Variants in DICER1 observed in about 807,000 individuals in gnomAD.
DICER1 encodes the protein dicer 1, ribonuclease III.
A neutral mutation model predicts 194.1 loss-of-function variants in DICER1; 43 were observed. The ratio of observed to expected loss-of-function variants is 0.22; its 90% CI spans 0.17 to 0.29. The LOEUF (loss-of-function observed/expected upper bound fraction) is 0.29. DICER1 is among the 10% of genes least tolerant of loss of function. The pLI, the probability that DICER1 is intolerant of heterozygous loss-of-function variation, is 1.00. For synonymous variants in DICER1, 832 were observed against 820.5 expected, an observed-to-expected ratio of 1.01 and a Z score of -0.24; for missense variants, 1,608 against 2,317.0, an observed-to-expected ratio of 0.69 and a Z score of 6.28.
Position 95,086,702 on chromosome 14 carries a change from A to T in DICER1, c.*3796T>A, listed in dbSNP as rs1192588819. 2 of 233,126 alleles carry T rather than the reference A, an allele frequency of 8.6e-6. No homozygotes were observed. The highest frequency in any genetic ancestry group is 4.4e-5 in the African/African-American group (2 of 45,342). The allele number at this position is 233,126 out of a possible 1,614,324, so 14.4% of individuals were successfully genotyped here. On this transcript the variant is annotated 3_prime_UTR_variant, in exon 27 of 27. Transcript: ENST00000343455. ...AATGGTCTCAATGCAAATTTCCTAG[A>T]TATTGCTATTGGCGTCTCCAACAAC...
At chr14:95,092,171 ACC>A (rs1345660369) in intron 24 of DICER1, among the ~76,000 whole-genome samples, 1 of 152,208 alleles carries the variant, frequency 6.6e-6, no homozygotes, top group East Asian at 1.9e-4. Context: ...GCATCACGAT[ACC>A]CATCAATACA....
rs532529506 is a variant in DICER1, at chr14:95,106,196, T to A, written c.2832A>T (p.Arg944=). 4.3e-6 allele frequency: 7 copies of A among 1,614,012 alleles called. No homozygotes were observed. In the African/African-American group the frequency reaches 9.3e-5, roughly 22 times the overall value. ...PRYRNFDQPH[R]FYVADVYTDL... ...CAGTGTACACATCAGCTACATAAAATCGATGAGGCTGATCAAAATTGCGAT... is the reference window on the plus strand; with the variant it reads ...CAGTGTACACATCAGCTACATAAAAACGATGAGGCTGATCAAAATTGCGAT... The change falls in exon 18 of 27, where the codon CGA becomes CGT. Residue 944 remains arginine (R), a synonymous_variant. Transcript: ENST00000343455.
In DICER1 at chr14:95,103,554, G is replaced by T; in HGVS notation, c.3842C>A (p.Pro1281His). 1 of 1,614,142 alleles carries T rather than the reference G, an allele frequency of 6.2e-7. No individual in the cohort carries two copies. The highest frequency in any genetic ancestry group is 2.2e-5 in the East Asian group (1 of 44,874). Residue 1281 changes from proline to histidine, a missense_variant, in exon 21 of 27, where the codon CCT becomes CAT. Physicochemically the swap from Pro to His is moderately conservative, Grantham distance 77. This residue lies in a region of DICER1 where 222 missense variants were observed against 215.5 expected (regional missense o/e 1.03). Transcript: ENST00000343455. ...LKGRMDSEQS[P>H]SIGYSSRTLG... ...AGTCCTTGAGGAGTACCCAATAGAAGGGCTCTGCTCAGAATCCATCCTGCC... is the reference window on the plus strand; with the variant it reads ...AGTCCTTGAGGAGTACCCAATAGAATGGCTCTGCTCAGAATCCATCCTGCC...
chr14:95,135,255 T>A (rs1014202657), intron 1 of DICER1, among the ~76,000 whole-genome samples: 1 of 152,198 alleles, frequency 6.6e-6, no homozygotes, highest in Non-Finnish European at 1.5e-5. Flanking sequence ...CCCTTCACTT[T>A]CACCCAACCC....
At chr14:95,135,499 A>C (rs1894294023) in intron 1 of DICER1, among the ~76,000 whole-genome samples, 1 of 152,332 alleles carries the variant, frequency 6.6e-6, no homozygotes, top group East Asian at 1.9e-4. Context: ...AATAACAATA[A>C]ATAACTTTAG....
intron 8 of DICER1, among the ~76,000 whole-genome samples, chr14:95,120,844 GAT>G (rs529040945): frequency 6.6e-6 from 1 of 152,156 alleles, no homozygotes; most frequent in Non-Finnish European, 1.5e-5. Context: ...AATACATATA[GAT>G]ATATCCCTCT....
At chr14:95,118,285 G>T (rs935354378) in intron 8 of DICER1, among the ~76,000 whole-genome samples, 1 of 152,140 alleles carries the variant, frequency 6.6e-6, no homozygotes, top group Non-Finnish European at 1.5e-5. Context: ...CCCAACAAAT[G>T]TAACAAGAGT....
At position 95,133,474 on chromosome 14, in the gene DICER1, T is replaced by C; in HGVS notation, c.-16A>G. The C allele has an allele frequency of 1.9e-6, 3 of 1,607,340 alleles. No individual in the cohort carries two copies. Among genetic ancestry groups the C allele is most frequent in the African/African-American group, 2.7e-5 (2 of 74,942 alleles). ...GGCTTTTCATTCATCCAGTGTTTCTTTCATTGCATTTTTGTTCTAGCACAG... is the reference window on the plus strand; with the variant it reads ...GGCTTTTCATTCATCCAGTGTTTCTCTCATTGCATTTTTGTTCTAGCACAG... On this transcript the variant is annotated 5_prime_UTR_variant, in exon 2 of 27. Transcript: ENST00000343455.
At chr14:95,103,279 A>G (rs1033912545) in intron 21 of DICER1, 67 bp downstream of exon 21, 38 of 1,524,092 alleles carry the variant, frequency 2.5e-5, no homozygotes, top group Non-Finnish European at 3.1e-5. Flanking sequence ...GAGATTATCC[A>G]ACACTGCAAA....
chr14:95,129,285 AAAC>A (rs1893741526), intron 6 of DICER1, 184 bp downstream of exon 6: 4 of 579,332 alleles, frequency 6.9e-6, no homozygotes, highest in Non-Finnish European at 1.2e-5. Flanking sequence ...CTCTCTGTGG[AAAC>A]AACGTTAGAT....
rs1044055742 is a variant in DICER1 at position 95,089,773 on chromosome 14, G to C, written c.*725C>G. 3 of 231,996 alleles carry C rather than the reference G, an allele frequency of 1.3e-5. No individual in the cohort carries two copies. Among genetic ancestry groups the C allele is most frequent in the Non-Finnish European group, 2.6e-5 (3 of 117,174 alleles). The allele number at this position is 231,996 out of a possible 1,614,324, so 14.4% of individuals were successfully genotyped here. On this transcript the variant is annotated 3_prime_UTR_variant, in exon 27 of 27. Coordinates refer to ENST00000343455, the MANE Select transcript of DICER1 (RefSeq NM_177438.3). The stretch of plus-strand genomic sequence containing the variant: ...TAATGCATAATAAAATGAAAGGAAT[G>C]TAAAACAGTTTGTTCCAAAAAGATC...
chr14:95,111,498 C>T, intron 13 of DICER1, 42 bp from the exon 14 acceptor site: 3 of 1,607,642 alleles, frequency 1.9e-6, no homozygotes, highest in Non-Finnish European at 2.6e-6. Context: ...CCAGATTTTG[C>T]CTGATTAATT....
In DICER1 at chr14:95,124,576, G is replaced by A. The variant is rs757094384; in HGVS notation, c.996C>T (p.Tyr332=). The change falls in exon 8 of 27, where the codon TAC becomes TAT. Residue 332 remains tyrosine (Y), a synonymous_variant. Transcript: ENST00000343455. This position sits in a 1 kb window ranked among gnomAD's most constrained non-coding sequence, Gnocchi z 4.5. Reference sequence around the variant, plus strand: ...GCAGCTCCTCTTGCTCATGTTTGATGTATTTCTGTAGTTCTCTTACCATCA... The same window carrying A: ...GCAGCTCCTCTTGCTCATGTTTGATATATTTCTGTAGTTCTCTTACCATCA... ...AGMMVRELQK[Y]IKHEQEELHR... The A allele has an allele frequency of 5.1e-5, 82 of 1,613,666 alleles. No individual in the cohort carries two copies. In the Admixed American group the frequency reaches 1.3e-3, roughly 25 times the overall value.
rs1360780150 is a variant in DICER1 at position 95,088,446 on chromosome 14, A to T, written c.*2052T>A. On this transcript the variant is annotated 3_prime_UTR_variant, in exon 27 of 27. Transcript: ENST00000343455. Reference sequence around the variant, plus strand: ...ATAAATATTAAGAGATTTGTGATTAAACTTGATCACAAATCACCCTCAGAA... The same window carrying T: ...ATAAATATTAAGAGATTTGTGATTATACTTGATCACAAATCACCCTCAGAA... The T allele has an allele frequency of 8.6e-6, 2 of 232,356 alleles. No homozygotes were observed. The highest frequency in any genetic ancestry group is 1.7e-5 in the Non-Finnish European group (2 of 117,400). The allele number at this position is 232,356 out of a possible 1,614,324, so 14.4% of individuals were successfully genotyped here.
intron 14 of DICER1, among the ~76,000 whole-genome samples, chr14:95,110,239 C>A (rs896969750): frequency 1.3e-5 from 2 of 152,038 alleles, no homozygotes; most frequent in African/African-American, 2.4e-5. Context: ...TGAATAAAAA[C>A]AAGGAAGATG....
chr14:95,126,619 T>C lies in DICER1; in HGVS notation c.864A>G (p.Val288=), dbSNP rs1595447674. 1.9e-6 allele frequency: 3 copies of C among 1,556,010 alleles called. No homozygotes were observed. Among genetic ancestry groups the C allele is most frequent in the Non-Finnish European group, 2.7e-6 (3 of 1,127,360 alleles). ...AAGTAGAATCTCTTTCTTTTGAATG[T>C]ACAGATATATTACAATCATTGATAA... is the stretch of plus-strand genomic sequence containing the variant. ...LNFINDCNIS[V]HSKERDSTLI... The change falls in exon 7 of 27, where the codon GTA becomes GTG. Residue 288 remains valine, a synonymous_variant. Transcript: ENST00000343455.
intron 1 of DICER1, among the ~76,000 whole-genome samples, chr14:95,138,993 AT>A (rs1242237976): frequency 0.094 from 4,117 of 43,760 alleles, 102 homozygotes; most frequent in African/African-American, 0.28. Context: ...AAATAAAAAA[AT>A]AAAAAAAAAA....
At chr14:95,116,946 T>G (rs1208952348) in intron 9 of DICER1, among the ~76,000 whole-genome samples, 1 of 152,196 alleles carries the variant, frequency 6.6e-6, no homozygotes, top group African/African-American at 2.4e-5. Context: ...TAAGCTAGTG[T>G]TCAGACAGTT....
At position 95,089,745 on chromosome 14, in the gene DICER1, G is replaced by A. The variant is rs531021447; in HGVS notation, c.*753C>T. 2.2e-5 allele frequency: 5 copies of A among 231,820 alleles called. No homozygotes were observed. Among genetic ancestry groups the A allele is most frequent in the South Asian group, 1.8e-4 (1 of 5,502 alleles). 14.4% of individuals were successfully genotyped at this position (231,820 alleles called of 1,614,324 possible). A position where few individuals can be genotyped will look rare whatever the true frequency, so the allele number is the denominator to read the frequency against. The stretch of plus-strand genomic sequence containing the variant: ...GTTGTAAGTATCACGCTGTCTCAAC[G>A]TCTAATGCATAATAAAATGAAAGGA... On this transcript the variant is annotated 3_prime_UTR_variant, in exon 27 of 27. Coordinates refer to ENST00000343455, the MANE Select transcript of DICER1 (RefSeq NM_177438.3).
Sources: allele counts gnomAD v4.1 joint callset (sites outside exome capture counted in the v4.1 genomes callset), GRCh38; gene constraint gnomAD v4.1.1; regional missense constraint gnomAD v4.1.1; non-coding constraint Gnocchi (gnomAD v3.1); transcripts MANE v1.5; gene names NCBI Gene and HGNC (gene_info 2026-07-23, HGNC 2026-07-21).